Variants in TNS1 observed in about 807,000 individuals in gnomAD.
TNS1 encodes the protein tensin-1.
TNS1 carries 62 observed loss-of-function variants against 168.6 expected under a neutral mutation model. The observed-to-expected ratio is 0.37, with a 90% CI of 0.30 to 0.45. TNS1 has a LOEUF of 0.45. Ranked by LOEUF, TNS1 falls within the 20% of genes least tolerant of loss-of-function variation. TNS1 has a pLI of 1.00. For synonymous variants in TNS1, 934 were observed against 933.2 expected (o/e 1.00, Z -0.02); for missense variants, 2,240 against 2,339.4 (o/e 0.96, Z 0.88).
intron 3 of TNS1, among the ~76,000 whole-genome samples, chr2:217,949,305 G>A (rs924213891): frequency 5.9e-5 from 9 of 152,258 alleles, no homozygotes; most frequent in Non-Finnish European, 7.3e-5. Flanking sequence ...TCTCCCCTGA[G>A]AAGCATAATT....
chr2:217,950,299 T>C (rs917848819), intron 3 of TNS1, among the ~76,000 whole-genome samples: 2 of 152,208 alleles, frequency 1.3e-5, no homozygotes, highest in Non-Finnish European at 2.9e-5. Context: ...ACTGCCCACG[T>C]GCACCTCCAC....
chr2:217,911,696 C>T (rs1206740344), intron 4 of TNS1, among the ~76,000 whole-genome samples: 1 of 152,160 alleles, frequency 6.6e-6, no homozygotes, highest in African/African-American at 2.4e-5. Context: ...TGTAGTGACT[C>T]ACCCAAGGTT....
chr2:217,981,905 C>T (rs1336857817), intron 2 of TNS1, among the ~76,000 whole-genome samples: 1 of 152,236 alleles, frequency 6.6e-6, no homozygotes, highest in Non-Finnish European at 1.5e-5. Flanking sequence ...ACTGTGGCAA[C>T]CAGCCTTGCA....
intron 4 of TNS1, among the ~76,000 whole-genome samples, chr2:217,916,083 T>A (rs1187427817): frequency 6.6e-6 from 1 of 152,188 alleles, no homozygotes; most frequent in African/African-American, 2.4e-5. Flanking sequence ...ACCTCCCTCA[T>A]TGCACTGTAA....
chr2:218,022,509 C>T (rs1958814534), intron 1 of TNS1, among the ~76,000 whole-genome samples: 1 of 152,180 alleles, frequency 6.6e-6, no homozygotes, highest in Non-Finnish European at 1.5e-5. Context: ...CATACACACA[C>T]ACAGGCACAC....
intron 1 of TNS1, among the ~76,000 whole-genome samples, chr2:218,017,064 C>T (rs1958768395): frequency 6.6e-6 from 1 of 152,154 alleles, no homozygotes; most frequent in African/African-American, 2.4e-5. Flanking sequence ...CTGGGAGCTC[C>T]CAGTGACTCC....
intron 17 of TNS1, chr2:217,881,227 G>T (rs1338450657): frequency 7.9e-5 from 45 of 568,028 alleles, no homozygotes. Context: ...AAAGGCTCAT[G>T]CCGGGTCATA....
In TNS1 at chr2:217,848,195, C is replaced by T. The variant is rs3796031; in HGVS notation, c.2322G>A (p.Ser774=). The stretch of plus-strand genomic sequence containing the variant: ...GCTGCTGCTGCTGCTGCTGCTGCCA[C>T]GAATTCAGTCCCCTTTGCACAGCCT... ...SREAVQRGLN[S]WQQQQQQQQQ... Residue 774 remains serine, a synonymous_variant, in exon 19 of 33, where the codon TCG becomes TCA. Transcript: ENST00000682258. 0.46 allele frequency: 739,316 copies of T among 1,600,192 alleles called. 180,340 individuals carry two copies. Among genetic ancestry groups the T allele is most frequent in the African/African-American group, 0.78 (58,521 of 74,620 alleles).
chr2:217,820,909 T>C (rs772645184), intron 23 of TNS1, among the ~76,000 whole-genome samples: 3 of 152,104 alleles, frequency 2.0e-5, no homozygotes, highest in Non-Finnish European at 4.4e-5. Context: ...AGGCATCCCC[T>C]AATGGCAGGC....
intron 18 of TNS1, among the ~76,000 whole-genome samples, chr2:217,857,783 C>A (rs3791959): frequency 6.6e-6 from 1 of 151,974 alleles, no homozygotes; most frequent in Non-Finnish European, 1.5e-5. Flanking sequence ...TGTGTTCCCC[C>A]CAGCCTGAAG....
chr2:218,020,272 G>A (rs1396247798), intron 1 of TNS1, among the ~76,000 whole-genome samples: 1 of 151,904 alleles, frequency 6.6e-6, no homozygotes, highest in Admixed American at 6.5e-5. Context: ...GGCCCAATAC[G>A]CCAGCCCCTC....
chr2:217,971,598 AT>A lies in TNS1; in HGVS notation c.186+7166del, dbSNP rs562753827. ...TCTCGGATAAATATCTTGGAGTGGA[AT>A]TTCTGGGTCATACAGCAAGTGTATG... On this transcript the variant is annotated intron_variant, in intron 3 of 32. Transcript: ENST00000682258. Among the ~76,000 whole-genome samples the A allele has an allele frequency of 2.0e-4, 30 of 152,354 alleles. No individual in the cohort carries two copies. In the East Asian group the frequency reaches 5.0e-3, roughly 25 times the overall value.
At chr2:217,850,585 A>G (rs2125453548) in intron 18 of TNS1, 1 of 437,088 alleles carries the variant, frequency 2.3e-6, no homozygotes, top group South Asian at 1.1e-4. Context: ...CCCGACAGAC[A>G]CACACACACA....
chr2:217,826,212 A>G (rs1943595957), intron 22 of TNS1, among the ~76,000 whole-genome samples: 1 of 152,220 alleles, frequency 6.6e-6, no homozygotes, highest in South Asian at 2.1e-4. Context: ...TCATGAACCC[A>G]GAGCGGGAAG....
intron 2 of TNS1, among the ~76,000 whole-genome samples, chr2:217,979,549 A>ACACACACACGCACG (rs1476579659): frequency 1.3e-5 from 2 of 151,970 alleles, no homozygotes; most frequent in African/African-American, 4.8e-5. Flanking sequence ...ACACACACAC[A>ACACACACACGCACG]CACAGGACTT....
Position 217,803,008 on chromosome 2 carries a change from C to T in TNS1, c.*1451G>A, listed in dbSNP as rs957449976. On this transcript the variant is annotated 3_prime_UTR_variant, in exon 33 of 33. Coordinates refer to ENST00000682258, the MANE Select transcript of TNS1 (RefSeq NM_001387777.1). Reference sequence around the variant, plus strand: ...GACCTTAGGCCCTTTGGCCCAAGTGCAAGCCTTCTGCCCTCTGCTGCATGG... The same window carrying T: ...GACCTTAGGCCCTTTGGCCCAAGTGTAAGCCTTCTGCCCTCTGCTGCATGG... 6.6e-6 allele frequency: 1 copy of T among 152,662 alleles called. No homozygotes were observed. Among genetic ancestry groups the T allele is most frequent in the African/African-American group, 2.4e-5 (1 of 41,460 alleles). 9.5% of individuals were successfully genotyped at this position (152,662 alleles called of 1,614,324 possible). A position where few individuals can be genotyped will look rare whatever the true frequency, so the allele number is the denominator to read the frequency against.
At chr2:217,951,894 G>C (rs1383146083) in intron 3 of TNS1, among the ~76,000 whole-genome samples, 1 of 152,188 alleles carries the variant, frequency 6.6e-6, no homozygotes, top group African/African-American at 2.4e-5. Context: ...TTCTTTCTCT[G>C]GTTCTGATCC....
At chr2:217,980,732 C>G (rs1018273413) in intron 2 of TNS1, among the ~76,000 whole-genome samples, 4 of 152,096 alleles carry the variant, frequency 2.6e-5, no homozygotes, top group Admixed American at 6.6e-5. Flanking sequence ...GCATCCACCC[C>G]AGTCTAGACA....
At chr2:217,928,154 A>G (rs956220958) in intron 3 of TNS1, among the ~76,000 whole-genome samples, 1 of 152,226 alleles carries the variant, frequency 6.6e-6, no homozygotes, top group Non-Finnish European at 1.5e-5. Flanking sequence ...CTCAACAGAC[A>G]AGGAGCTGCA....
Sources: allele counts gnomAD v4.1 joint callset (sites outside exome capture counted in the v4.1 genomes callset), GRCh38; gene constraint gnomAD v4.1.1; transcripts MANE v1.5; gene names NCBI Gene and HGNC (gene_info 2026-07-23, HGNC 2026-07-21).